Variants in STPG2 observed in about 807,000 individuals in gnomAD.
STPG2 encodes the protein sperm-tail PG-rich repeat-containing protein 2.
A neutral mutation model predicts 54.2 loss-of-function variants in STPG2; 56 were observed. The observed-to-expected ratio is 1.03, with a 90% confidence interval of 0.83 to 1.29. The LOEUF (loss-of-function observed/expected upper bound fraction) is 1.29. STPG2 is among the 50% of genes most tolerant of loss of function. STPG2 has a pLI of 0.00. For synonymous variants in STPG2, 200 were observed against 181.8 expected (o/e 1.10, Z -0.81); for missense variants, 596 against 544.9 (o/e 1.09, Z -0.93).
intron 4 of STPG2, among the ~76,000 whole-genome samples, chr4:97,522,282 T>C (rs1311937584): frequency 2.0e-5 from 3 of 152,014 alleles, no homozygotes; most frequent in Non-Finnish European, 4.4e-5. Context: ...TTGCTGGCAT[T>C]ATCATTAGAG....
chr4:97,966,984 G>T (rs937118686), intron 7 of STPG2, among the ~76,000 whole-genome samples: 2 of 152,078 alleles, frequency 1.3e-5, no homozygotes, highest in East Asian at 3.9e-4. Context: ...ACATCATAAT[G>T]ACAGGATCAA....
intron 5 of STPG2, among the ~76,000 whole-genome samples, chr4:98,037,560 G>A (rs1326794551): frequency 1.3e-5 from 2 of 151,768 alleles, no homozygotes; most frequent in Admixed American, 6.6e-5. Flanking sequence ...TCACTGATAC[G>A]CAACATAGTA....
intron 7 of STPG2, among the ~76,000 whole-genome samples, chr4:97,948,823 T>A (rs897378461): frequency 6.6e-6 from 1 of 152,122 alleles, no homozygotes; most frequent in African/African-American, 2.4e-5. Flanking sequence ...ACTTGTTTTG[T>A]GGTGTGTCAT....
intron 7 of STPG2, among the ~76,000 whole-genome samples, chr4:97,968,522 A>C (rs576022823): frequency 6.6e-6 from 1 of 152,214 alleles, no homozygotes; most frequent in Admixed American, 6.5e-5. Context: ...ATGAACATCA[A>C]TGTAAAAATC....
At chr4:97,664,545 C>G (rs1320630026) in intron 10 of STPG2, among the ~76,000 whole-genome samples, 6 of 152,240 alleles carry the variant, frequency 3.9e-5, no homozygotes, top group Admixed American at 1.3e-4. Context: ...AGTCACCAGA[C>G]ACTATTTAAA....
rs369551442 is a variant in STPG2, at chr4:97,550,775, G to A, written c.462+161924C>T. On this transcript the variant is annotated intron_variant, in intron 4 of 4. Transcript: ENST00000522676. ...TTCCTTCTGGTGGGTTCGTGGTCTC[G>A]CTTGACTTCAGGAGTGAAGCCACAG... is the stretch of plus-strand genomic sequence containing the variant. Among the ~76,000 whole-genome samples, 41 of 151,992 alleles carry A rather than the reference G, an allele frequency of 2.7e-4. 1 individual carries two copies. In the South Asian group the frequency reaches 3.7e-3, roughly 14 times the overall value.
At chr4:98,025,878 G>A (rs995746486) in intron 5 of STPG2, 82 of 1,597,936 alleles carry the variant, frequency 5.1e-5, no homozygotes, top group South Asian at 1.5e-4. Context: ...ACCCTGAAGG[G>A]AGCTGTGGAT....
At chr4:98,042,998 T>A (rs1737012556) in intron 5 of STPG2, among the ~76,000 whole-genome samples, 1 of 152,066 alleles carries the variant, frequency 6.6e-6, no homozygotes, top group Non-Finnish European at 1.5e-5. Flanking sequence ...ATATTTGCTA[T>A]ATATATTTAA....
intron 9 of STPG2, 138 bp from the exon 10 acceptor site, chr4:97,712,952 T>A: frequency 2.0e-6 from 1 of 496,360 alleles, no homozygotes; most frequent in Non-Finnish European, 3.5e-6. Flanking sequence ...TTTGAATGCT[T>A]AAAATCATTT....
intron 10 of STPG2, among the ~76,000 whole-genome samples, chr4:97,692,253 A>T (rs557399341): frequency 6.7e-6 from 1 of 148,468 alleles, no homozygotes; most frequent in South Asian, 2.2e-4. Flanking sequence ...CATCAGAGAA[A>T]GGTGAAGCCC....
chr4:97,459,054 G>A (rs1295646599), intron 4 of STPG2, among the ~76,000 whole-genome samples: 1 of 151,956 alleles, frequency 6.6e-6, no homozygotes, highest in Non-Finnish European at 1.5e-5. Flanking sequence ...AGATACATGC[G>A]AAAGTATTTG....
At chr4:97,687,225 C>T (rs1723224308) in intron 10 of STPG2, among the ~76,000 whole-genome samples, 1 of 152,084 alleles carries the variant, frequency 6.6e-6, no homozygotes, top group Non-Finnish European at 1.5e-5. Flanking sequence ...GCTGGGATTA[C>T]AGGCATGAGC....
chr4:97,611,649 T>C (rs1006098887), intron 10 of STPG2, among the ~76,000 whole-genome samples: 1 of 151,808 alleles, frequency 6.6e-6, no homozygotes, highest in Non-Finnish European at 1.5e-5. Flanking sequence ...ATGTAAGAAC[T>C]GAGCATTTAA....
At chr4:97,840,209 T>C (rs1728754631) in intron 9 of STPG2, among the ~76,000 whole-genome samples, 2 of 151,688 alleles carry the variant, frequency 1.3e-5, no homozygotes, top group South Asian at 2.1e-4. Context: ...ACTGCCTTGA[T>C]GTATATCTTC....
intron 8 of STPG2, among the ~76,000 whole-genome samples, chr4:97,864,205 A>G (rs1316156688): frequency 6.6e-6 from 1 of 152,136 alleles, no homozygotes; most frequent in Non-Finnish European, 1.5e-5. Flanking sequence ...AACCCCATTG[A>G]CTCAGCCCAA....
At chr4:97,894,080 A>G (rs7668884) in intron 8 of STPG2, among the ~76,000 whole-genome samples, 152,052 of 152,052 alleles carry the variant, frequency 1, 76,026 homozygotes, top group Non-Finnish European at 1. Context: ...AAAGTATAAG[A>G]TACTTTGCAG....
intron 10 of STPG2, among the ~76,000 whole-genome samples, chr4:97,621,910 A>G (rs10025874): frequency 0.042 from 6,462 of 152,306 alleles, 165 homozygotes; most frequent in Non-Finnish European, 0.068. Context: ...CCACCAGTGC[A>G]TCAAAAAACT....
At chr4:97,540,158 A>T (rs1303210035) in intron 4 of STPG2, among the ~76,000 whole-genome samples, 3 of 152,136 alleles carry the variant, frequency 2.0e-5, no homozygotes, top group Non-Finnish European at 2.9e-5. Flanking sequence ...GAGACAAAAA[A>T]CCCTTCAAAA....
At chr4:97,702,417 T>C (rs1337507259) in intron 10 of STPG2, among the ~76,000 whole-genome samples, 1 of 152,180 alleles carries the variant, frequency 6.6e-6, no homozygotes, top group African/African-American at 2.4e-5. Context: ...TTTTTTCAAG[T>C]GTAACACACC....
Sources: gnomAD v4.1 joint callset for allele counts (sites outside exome capture counted in the v4.1 genomes callset) on GRCh38, gnomAD v4.1.1 for gene constraint, MANE v1.5 for transcripts, NCBI Gene and HGNC (gene_info 2026-07-23, HGNC 2026-07-21) for gene names.